OSBPL2: variants seen among roughly 807,000 people sequenced by gnomAD.
OSBPL2 encodes oxysterol-binding protein-related protein 2.
A neutral mutation model predicts 58.4 loss-of-function variants in OSBPL2; 18 were observed. The observed-to-expected ratio is 0.31, with a 90% confidence interval of 0.21 to 0.46. OSBPL2 has a LOEUF of 0.46. OSBPL2 is among the 20% of genes least tolerant of loss of function. The pLI is 1.00. For synonymous variants in OSBPL2, 221 were observed against 234.1 expected, an observed-to-expected ratio of 0.94 and a Z score of 0.51; for missense variants, 461 against 616.5, an observed-to-expected ratio of 0.75 and a Z score of 2.67.
At chr20:62,280,915 G>A (rs746469797) in intron 7 of OSBPL2, 143 bp from the exon 8 acceptor site, 31 of 660,808 alleles carry the variant, frequency 4.7e-5, no homozygotes, top group Non-Finnish European at 2.5e-5. Context: ...CACAGCCTCC[G>A]TCGCAGGGGC....
chr20:62,289,060 G>C, intron 11 of OSBPL2, 147 bp from the exon 12 acceptor site: 1 of 759,176 alleles, frequency 1.3e-6, no homozygotes, highest in Non-Finnish European at 2.1e-6. Flanking sequence ...CATTGAATTT[G>C]CAGGTGGAAG....
chr20:62,256,063 A>G lies in OSBPL2; in HGVS notation c.-122A>G, dbSNP rs1980900212. 8.4e-7 allele frequency: 1 copy of G among 1,186,012 alleles called. No homozygotes were observed. Among genetic ancestry groups the G allele is most frequent in the Non-Finnish European group, 1.2e-6 (1 of 844,588 alleles). The allele number at this position is 1,186,012 out of a possible 1,614,324, so 73.5% of individuals were successfully genotyped here. A position where few individuals can be genotyped will look rare whatever the true frequency, so the allele number is the denominator to read the frequency against. ...AAAATTTTTTTCCCTTTAGATCTTC[A>G]GTGTCTATTGGATTTTTCCAAGAGA... On this transcript the variant is annotated 5_prime_UTR_variant, in exon 2 of 14. Transcript: ENST00000313733.
intron 9 of OSBPL2, among the ~76,000 whole-genome samples, chr20:62,283,278 G>A (rs1348008299): frequency 1.3e-5 from 2 of 152,190 alleles, no homozygotes; most frequent in South Asian, 4.1e-4. Flanking sequence ...TCCCCAGGCT[G>A]TCTACTAGGT....
At chr20:62,253,959 A>AT (rs905817940) in intron 1 of OSBPL2, among the ~76,000 whole-genome samples, 3 of 151,494 alleles carry the variant, frequency 2.0e-5, no homozygotes, top group African/African-American at 7.3e-5. Flanking sequence ...GCCTGGGCTA[A>AT]TTTTTTTTGA....
intron 1 of OSBPL2, among the ~76,000 whole-genome samples, chr20:62,250,428 G>A (rs1234580180): frequency 6.6e-6 from 1 of 152,130 alleles, no homozygotes; most frequent in Non-Finnish European, 1.5e-5. Context: ...GTTGTTGACC[G>A]GAAAGCCCTC....
chr20:62,258,538 G>A (rs1357054785), intron 2 of OSBPL2, among the ~76,000 whole-genome samples: 1 of 152,248 alleles, frequency 6.6e-6, no homozygotes, highest in Non-Finnish European at 1.5e-5. Flanking sequence ...CCGACGATAG[G>A]AGATCTCAGC....
chr20:62,240,702 T>A (rs887708443), intron 1 of OSBPL2, among the ~76,000 whole-genome samples: 2 of 152,246 alleles, frequency 1.3e-5, no homozygotes, highest in Non-Finnish European at 2.9e-5. Context: ...CATTACTCTG[T>A]GTCAGAATTT....
At chr20:62,255,017 A>G (rs1199573536) in intron 1 of OSBPL2, 2 of 152,106 alleles carry the variant, frequency 1.3e-5, no homozygotes, top group African/African-American at 4.8e-5. Context: ...GATTTTCAGC[A>G]AAACTTCCAG....
At chr20:62,271,025 C>G (rs1568841123) in intron 4 of OSBPL2, among the ~76,000 whole-genome samples, 1 of 151,334 alleles carries the variant, frequency 6.6e-6, no homozygotes, top group Non-Finnish European at 1.5e-5. Context: ...TTTCCTTGTC[C>G]CTTTCTGGTC....
intron 2 of OSBPL2, among the ~76,000 whole-genome samples, chr20:62,257,780 T>C (rs1391569800): frequency 6.6e-6 from 1 of 151,514 alleles, no homozygotes; most frequent in Non-Finnish European, 1.5e-5. Context: ...AGTGGCGTGA[T>C]CTCAGCTCAC....
chr20:62,276,406 G>A (rs549503928), intron 6 of OSBPL2, among the ~76,000 whole-genome samples: 52 of 152,348 alleles, frequency 3.4e-4, no homozygotes, highest in African/African-American at 1.3e-3. Flanking sequence ...CTGCACTTCT[G>A]TATATAAATC....
chr20:62,280,978 C>A, intron 7 of OSBPL2, 80 bp from the exon 8 acceptor site: 1 of 1,132,420 alleles, frequency 8.8e-7, no homozygotes, highest in African/African-American at 1.5e-5. Context: ...GACCCAGCCC[C>A]GCCTGGTCGT....
rs115141670 is a variant in OSBPL2, at chr20:62,254,474, C to T, written c.-128-1583C>T. Among the ~76,000 whole-genome samples, 479 of 152,348 alleles carry T rather than the reference C, an allele frequency of 3.1e-3. 2 individuals are homozygous for T. Among genetic ancestry groups the T allele is most frequent in the African/African-American group, 0.011 (445 of 41,580 alleles). ...CCCTGGCCGTGAGCAGGGCTGTCTG[C>T]GCCGGCCTTCAGGGGCTGCCGCAGT... On this transcript the variant is annotated intron_variant, in intron 1 of 13. Transcript: ENST00000313733.
intron 4 of OSBPL2, among the ~76,000 whole-genome samples, chr20:62,268,873 T>A (rs1020909556): frequency 2.6e-5 from 4 of 151,896 alleles, no homozygotes; most frequent in Non-Finnish European, 5.9e-5. Flanking sequence ...CTGGTCAACA[T>A]AGTGAAACCC....
chr20:62,284,112 G>A lies in OSBPL2; in HGVS notation c.939G>A (p.Ser313=), dbSNP rs765317382. ...TECLWGIDPV[S]YESFKKQERR... is the part of the protein sequence containing the mutation. ...GTTTGTGGGGCATAGATCCTGTTTC[G>A]TATGAATCCTTCAAGAAGCAGGAGA... is the stretch of plus-strand genomic sequence containing the variant. Residue 313 remains serine, a synonymous_variant, in exon 10 of 14, where the codon TCG becomes TCA. Coordinates refer to ENST00000313733, the MANE Select transcript of OSBPL2 (RefSeq NM_144498.4). The A allele has an allele frequency of 2.8e-5, 45 of 1,613,962 alleles. No homozygotes were observed. The highest frequency in any genetic ancestry group is 2.7e-5 in the African/African-American group (2 of 74,926).
intron 4 of OSBPL2, among the ~76,000 whole-genome samples, chr20:62,266,146 T>C (rs188285487): frequency 2.0e-5 from 3 of 152,214 alleles, no homozygotes; most frequent in Admixed American, 2.0e-4. Flanking sequence ...ATAAAGATTC[T>C]AGGACCAAAA....
chr20:62,259,096 T>C (rs1981124790), intron 2 of OSBPL2: 1 of 152,236 alleles, frequency 6.6e-6, no homozygotes, highest in South Asian at 2.1e-4. Flanking sequence ...CTTGTGCCCC[T>C]CACGTGGAGC....
chr20:62,281,396 T>C (rs1045258180), intron 8 of OSBPL2: 32 of 549,856 alleles, frequency 5.8e-5, no homozygotes, highest in Non-Finnish European at 9.2e-5. Flanking sequence ...ACTTTAAGGC[T>C]TTGAGCTATG....
chr20:62,260,211 G>A (rs1345221854), intron 3 of OSBPL2, 86 bp downstream of exon 3: 11 of 1,335,140 alleles, frequency 8.2e-6, no homozygotes, highest in Non-Finnish European at 1.1e-5. Flanking sequence ...GCCCTCACGA[G>A]CATTGAGCTG....
Sources: gnomAD v4.1 joint callset for allele counts (sites outside exome capture counted in the v4.1 genomes callset) on GRCh38, gnomAD v4.1.1 for gene constraint, MANE v1.5 for transcripts, NCBI Gene and HGNC (gene_info 2026-07-23, HGNC 2026-07-21) for gene names.